Variants in PLD5 observed in about 807,000 individuals in gnomAD.
PLD5 encodes the protein inactive phospholipase D5.
In PLD5, 36 loss-of-function variants were observed where a neutral mutation model predicts 61.1. The ratio of observed to expected loss-of-function variants is 0.59; its 90% CI spans 0.45 to 0.78. PLD5 has a LOEUF of 0.78. Among genes scored for constraint, PLD5 ranks in the 30% least tolerant of loss-of-function variants. The probability of loss-of-function intolerance (pLI) is 0.00; values close to 1 mark genes in which losing one functional copy is unlikely to be tolerated. For missense variants in PLD5, 515 were observed against 644.4 expected (o/e 0.80, Z 2.17); for synonymous variants, 243 against 242.8 (o/e 1.00, Z -0.01).
intron 2 of PLD5, among the ~76,000 whole-genome samples, chr1:242,290,700 T>C (rs564144964): frequency 2.0e-5 from 3 of 151,812 alleles, no homozygotes; most frequent in East Asian, 3.9e-4. Flanking sequence ...AAAAGAAGCA[T>C]GCAGTGGACA....
chr1:242,374,691 A>G (rs777207835), intron 1 of PLD5, among the ~76,000 whole-genome samples: 2 of 152,212 alleles, frequency 1.3e-5, no homozygotes, highest in Non-Finnish European at 2.9e-5. Context: ...AACGTTACAC[A>G]GAGAGGCCAA....
chr1:242,396,046 C>G (rs972610779), intron 1 of PLD5, among the ~76,000 whole-genome samples: 3 of 151,030 alleles, frequency 2.0e-5, no homozygotes, highest in Admixed American at 6.7e-5. Context: ...GAGACTCCAT[C>G]TCAAAAAAAA....
intron 1 of PLD5, chr1:242,377,122 T>C (rs1374775703): frequency 6.2e-7 from 1 of 1,611,708 alleles, no homozygotes. Flanking sequence ...CCATTTTGCT[T>C]GGACACTGGC....
At chr1:242,106,936 G>C (rs1319237275) in intron 8 of PLD5, among the ~76,000 whole-genome samples, 1 of 152,142 alleles carries the variant, frequency 6.6e-6, no homozygotes, top group African/African-American at 2.4e-5. Flanking sequence ...AGAGGGCGAC[G>C]AGGACTGGAG....
chr1:242,419,392 T>G (rs867445689), intron 1 of PLD5, among the ~76,000 whole-genome samples: 5,317 of 149,306 alleles, frequency 0.036, 355 homozygotes, highest in African/African-American at 0.12. Context: ...TTTTGTTTTT[T>G]TTTTTTTTTT....
intron 8 of PLD5, 35 bp from the exon 9 acceptor site, chr1:242,100,817 G>A: frequency 1.4e-6 from 2 of 1,423,110 alleles, no homozygotes; most frequent in Non-Finnish European, 2.0e-6. Context: ...AGGTAAATAA[G>A]AGGAACGTTT....
At chr1:242,220,825 C>T (rs1275889067) in intron 4 of PLD5, among the ~76,000 whole-genome samples, 1 of 151,730 alleles carries the variant, frequency 6.6e-6, no homozygotes, top group Non-Finnish European at 1.5e-5. Context: ...CAACCTCCAC[C>T]TCCCAGGTTT....
rs182881653 is a variant in PLD5, at chr1:242,286,075, C to T, written c.495+2287G>A. Among the ~76,000 whole-genome samples, 232 of 152,200 alleles carry T rather than the reference C, an allele frequency of 1.5e-3. 2 individuals carry two copies. The highest frequency in any genetic ancestry group is 5.5e-3 in the African/African-American group (227 of 41,526). ...AGAGAGCCGAGGTCGCACCACTACA[C>T]TCCAACCTGGGCAACACAGCGAGTC... On this transcript the variant is annotated intron_variant, in intron 3 of 9. Coordinates refer to ENST00000536534, the MANE Select transcript of PLD5 (RefSeq NM_001372062.1).
intron 1 of PLD5, among the ~76,000 whole-genome samples, chr1:242,466,455 T>C (rs1572198530): frequency 6.6e-6 from 1 of 152,120 alleles, no homozygotes; most frequent in Non-Finnish European, 1.5e-5. Flanking sequence ...AAATGTGGTA[T>C]ATATACACAA....
At chr1:242,123,196 T>C (rs917533349) in intron 6 of PLD5, among the ~76,000 whole-genome samples, 1 of 152,162 alleles carries the variant, frequency 6.6e-6, no homozygotes, top group African/African-American at 2.4e-5. Flanking sequence ...AACTGATGTA[T>C]GATGAAAACA....
chr1:242,422,610 C>G (rs1433064713), intron 1 of PLD5, among the ~76,000 whole-genome samples: 2 of 152,094 alleles, frequency 1.3e-5, no homozygotes, highest in Non-Finnish European at 2.9e-5. Flanking sequence ...ACATTACACT[C>G]TGGGAAATGA....
intron 1 of PLD5, among the ~76,000 whole-genome samples, chr1:242,393,181 A>G (rs1663035511): frequency 6.9e-6 from 1 of 145,524 alleles, no homozygotes; most frequent in African/African-American, 2.6e-5. Flanking sequence ...TCCAGCCTGG[A>G]TAAGACGACG....
chr1:242,404,625 G>A (rs146305903), intron 1 of PLD5, among the ~76,000 whole-genome samples: 2 of 150,794 alleles, frequency 1.3e-5, no homozygotes, highest in African/African-American at 4.9e-5. Context: ...TCATGGCACC[G>A]CTTTATCCAC....
intron 5 of PLD5, among the ~76,000 whole-genome samples, chr1:242,158,599 G>A (rs1199144459): frequency 2.0e-5 from 3 of 152,158 alleles, no homozygotes; most frequent in Admixed American, 1.3e-4. Flanking sequence ...CTTCCCGGGT[G>A]AGGCAATGCC....
In PLD5 at chr1:242,183,909, AAT is replaced by A. The variant is rs1491022361; in HGVS notation, c.735+36077_735+36078del. Among the ~76,000 whole-genome samples, 8 of 147,400 alleles carry A rather than the reference AAT, an allele frequency of 5.4e-5. No individual in the cohort carries two copies. In the East Asian group the frequency reaches 2.0e-3, roughly 36 times the overall value. On this transcript the variant is annotated intron_variant, in intron 5 of 9. Transcript: ENST00000536534. Reference sequence around the variant, plus strand: ...GACTCCGTCTCAAAATAAATAAATAAATAAAAATAAATAAAAGAAACACCTAA... The same window carrying A: ...GACTCCGTCTCAAAATAAATAAATAAAAAAATAAATAAAAGAAACACCTAA...
At chr1:242,349,519 G>A (rs1301421749) in intron 1 of PLD5, among the ~76,000 whole-genome samples, 1 of 152,134 alleles carries the variant, frequency 6.6e-6, no homozygotes, top group Non-Finnish European at 1.5e-5. Context: ...TTATTTAACT[G>A]ACATTGTTCA....
chr1:242,296,314 CA>C (rs1195876326), intron 2 of PLD5, among the ~76,000 whole-genome samples: 1 of 152,202 alleles, frequency 6.6e-6, no homozygotes, highest in Non-Finnish European at 1.5e-5. Flanking sequence ...TATTTTCTCC[CA>C]TTCTGTAGAT....
intron 1 of PLD5, among the ~76,000 whole-genome samples, chr1:242,391,560 TC>T (rs1262641806): frequency 3.3e-5 from 1 of 30,140 alleles, no homozygotes; most frequent in African/African-American, 1.8e-4. Context: ...ATTCTTTTAA[TC>T]TCGCAGAAGT....
At position 242,133,793 on chromosome 1, in the gene PLD5, C is replaced by A. The variant is rs77142235; in HGVS notation, c.736-9128G>T. 7.2e-5 allele frequency among the ~76,000 whole-genome samples: 11 copies of A among 152,190 alleles called. No individual in the cohort carries two copies. In the East Asian group the frequency reaches 2.1e-3, roughly 29 times the overall value. Reference sequence around the variant, plus strand: ...GGCAAAGGAAAATCAACAGATAAAACCTTGAGTAGAGTAACTGGAGAATAT... The same window carrying A: ...GGCAAAGGAAAATCAACAGATAAAAACTTGAGTAGAGTAACTGGAGAATAT... On this transcript the variant is annotated intron_variant, in intron 5 of 9. Transcript: ENST00000536534.
Sources: gnomAD v4.1 joint callset for allele counts (sites outside exome capture counted in the v4.1 genomes callset) on GRCh38, gnomAD v4.1.1 for gene constraint, MANE v1.5 for transcripts, NCBI Gene and HGNC (gene_info 2026-07-23, HGNC 2026-07-21) for gene names.